Variants in MYH14 observed in about 807,000 individuals in gnomAD.
MYH14 encodes myosin heavy chain 14.
Under a neutral mutation model 255.5 loss-of-function variants are expected in MYH14, and 123 were observed. The ratio of observed to expected loss-of-function variants is 0.48; its 90% CI spans 0.42 to 0.56. The LOEUF is 0.56. MYH14 is among the 20% of genes least tolerant of loss of function. MYH14 has a pLI of 0.00. For missense variants in MYH14, 2,423 were observed against 2,802.3 expected (o/e 0.86, Z 3.06); for synonymous variants, 1,095 against 1,161.2 (o/e 0.94, Z 1.16).
chr19:50,231,921 T>TC lies in MYH14; in HGVS notation c.974-6dup. On this transcript the variant is annotated splice_polypyrimidine_tract_variant and intron_variant, in intron 9 of 42. Coordinates refer to ENST00000642316, the MANE Select transcript of MYH14 (RefSeq NM_001145809.2). ...CCTTTGACCTTGACCCCACTCATTGTCCCTGCAGCCGACCTCCTCCTCGAG... is the reference window on the plus strand; with the variant it reads ...CCTTTGACCTTGACCCCACTCATTGTCCCCTGCAGCCGACCTCCTCCTCGAG... The TC allele has an allele frequency of 6.2e-7, 1 of 1,613,762 alleles. No homozygotes were observed. The highest frequency in any genetic ancestry group is 1.1e-5 in the South Asian group (1 of 91,070).
In MYH14 at chr19:50,292,323, C is replaced by T. The variant is rs2036105237; in HGVS notation, c.5190C>T (p.Phe1730=). 1 of 1,596,916 alleles carries T rather than the reference C, an allele frequency of 6.3e-7. No homozygotes were observed. The change falls in exon 37 of 43, where the codon TTC becomes TTT. Residue 1730 remains phenylalanine, a synonymous_variant. Transcript: ENST00000642316. ...CACGCACCTCCCGGGAGGAGATCTT[C>T]TCCCAGAATCGGGAAAGTGAAAAGC... ...EETRTSREEI[F]SQNRESEKRL...
At position 50,249,104 on chromosome 19, in the gene MYH14, G is replaced by T; in HGVS notation, c.1447G>T (p.Gly483Cys). The T allele has an allele frequency of 6.3e-7, 1 of 1,599,182 alleles. No individual in the cohort carries two copies. The highest frequency in any genetic ancestry group is 8.5e-7 in the Non-Finnish European group (1 of 1,173,230). The stretch of plus-strand genomic sequence containing the variant: ...CCCCCGCCAAGGCGCCTCCTTCCTG[G>T]GCATCCTGGACATCGCGGGCTTTGA... ...RSPRQGASFLGILDIAGFEIF... is the reference protein window; with the variant it reads ...RSPRQGASFLCILDIAGFEIF... Residue 483 changes from glycine to cysteine, a missense_variant, in exon 13 of 43, where the codon GGC (glycine) becomes TGC (cysteine). Physicochemically the swap from Gly to Cys is radical, Grantham distance 159. Transcript: ENST00000642316.
chr19:50,301,504 T>C (rs1178455364), intron 39 of MYH14, among the ~76,000 whole-genome samples, 157 bp from the exon 40 acceptor site: 1 of 152,206 alleles, frequency 6.6e-6, no homozygotes, highest in African/African-American at 2.4e-5. Flanking sequence ...TTAATAAAAA[T>C]ACAAGCTAAC....
intron 1 of MYH14, among the ~76,000 whole-genome samples, chr19:50,207,762 A>G (rs1290853350): frequency 2.0e-5 from 3 of 152,368 alleles, no homozygotes; most frequent in African/African-American, 7.2e-5. Context: ...GACAAAAATC[A>G]GGTCAATTCC....
chr19:50,295,052 G>A (rs1166119503), intron 39 of MYH14, among the ~76,000 whole-genome samples: 5 of 150,234 alleles, frequency 3.3e-5, no homozygotes, highest in African/African-American at 4.9e-5. Context: ...GTGGCCGGGC[G>A]CGGTGGCTCA....
At chr19:50,264,012 G>A (rs540237823) in intron 22 of MYH14, among the ~76,000 whole-genome samples, 143 of 126,538 alleles carry the variant, frequency 1.1e-3, no homozygotes, top group Non-Finnish European at 1.5e-3. Flanking sequence ...AGCCAAGATA[G>A]TGTCACTACA....
At chr19:50,296,424 C>T (rs4802691) in intron 39 of MYH14, among the ~76,000 whole-genome samples, 101,286 of 150,910 alleles carry the variant, frequency 0.67, 36,108 homozygotes, top group East Asian at 0.99. Flanking sequence ...CCTGAGCAAC[C>T]CAGTAAGACC....
intron 40 of MYH14, among the ~76,000 whole-genome samples, chr19:50,305,279 A>G (rs1265436361): frequency 6.6e-6 from 1 of 152,138 alleles, no homozygotes; most frequent in Non-Finnish European, 1.5e-5. Context: ...GGGGCTGTGA[A>G]GATGAACAAG....
At chr19:50,281,865 G>A (rs2035737166) in intron 33 of MYH14, 23 bp downstream of exon 33, 2 of 1,602,848 alleles carry the variant, frequency 1.2e-6, no homozygotes, top group Non-Finnish European at 1.7e-6. Context: ...AGTTCACCCA[G>A]CCGGGGAATC....
At chr19:50,239,027 C>T (rs1477289592) in intron 10 of MYH14, among the ~76,000 whole-genome samples, 1 of 152,082 alleles carries the variant, frequency 6.6e-6, no homozygotes, top group East Asian at 1.9e-4. Flanking sequence ...AAAAAAAATT[C>T]TCTCTTGCGC....
intron 39 of MYH14, among the ~76,000 whole-genome samples, chr19:50,298,416 ATG>A (rs1568553545): frequency 1.0e-4 from 15 of 150,422 alleles, no homozygotes; most frequent in African/African-American, 2.2e-4. Context: ...ACACACACAC[ATG>A]CACACATGAA....
intron 8 of MYH14, among the ~76,000 whole-genome samples, chr19:50,228,791 G>T (rs189215038): frequency 6.9e-4 from 105 of 152,282 alleles, no homozygotes; most frequent in African/African-American, 1.8e-3. Context: ...ATGCAGTGTG[G>T]CTGCCCCTCC....
chr19:50,219,566 G>A (rs1323902999), intron 3 of MYH14, among the ~76,000 whole-genome samples: 1 of 152,156 alleles, frequency 6.6e-6, no homozygotes, highest in Non-Finnish European at 1.5e-5. Context: ...CCTTGAGACA[G>A]TAATTCCCAG....
Position 50,223,053 on chromosome 19 carries a change from T to C in MYH14, c.563-30T>C, listed in dbSNP as rs368168987. On this transcript the variant is annotated intron_variant, in intron 3 of 42. Coordinates refer to ENST00000642316, the MANE Select transcript of MYH14 (RefSeq NM_001145809.2). ...GGGCCCTGCTAGAGACTCTCTCAGA[T>C]GACATATTCCCCCACTCTGTCCCCT... 5.6e-6 allele frequency: 9 copies of C among 1,608,120 alleles called. No individual in the cohort carries two copies. The African/African-American group carries it at 6.7e-5, about 12-fold the overall frequency.
In MYH14 at chr19:50,276,378, G is replaced by T. The variant is rs2035509558; in HGVS notation, c.3680+175G>T. 6.6e-6 allele frequency among the ~76,000 whole-genome samples: 1 copy of T among 152,192 alleles called. No homozygotes were observed. Among genetic ancestry groups the T allele is most frequent in the African/African-American group, 2.4e-5 (1 of 41,440 alleles). On this transcript the variant is annotated intron_variant, in intron 28 of 42. Transcript: ENST00000642316. The surrounding 1 kb of genome is among the most constrained non-coding windows in gnomAD (Gnocchi z 4.3). ...GGGGACAGAGATGGGTCAGACCCAG[G>T]TGTTACCCTTGGGAACTTCCAGTCT...
chr19:50,277,774 G>A (rs788335), intron 29 of MYH14, among the ~76,000 whole-genome samples: 59,046 of 151,810 alleles, frequency 0.39, 11,913 homozygotes, highest in Non-Finnish European at 0.44. Flanking sequence ...AAAATTAGCC[G>A]GGCGTGGTGG....
In MYH14 at chr19:50,250,241, C is replaced by CA. The variant is rs1245583737; in HGVS notation, c.1657-273dup. ...TCAGCCTCCCGAGTAGCTGGGACTACAGGTGCCCGCCACCACGCCCGGCTA... is the reference window on the plus strand; with the variant it reads ...TCAGCCTCCCGAGTAGCTGGGACTACAAGGTGCCCGCCACCACGCCCGGCTA... On this transcript the variant is annotated intron_variant, in intron 14 of 42. Transcript: ENST00000642316. This position sits in a 1 kb window ranked among gnomAD's most constrained non-coding sequence, Gnocchi z 5.4. 2.3e-5 allele frequency among the ~76,000 whole-genome samples: 3 copies of CA among 132,452 alleles called. No individual in the cohort carries two copies. The highest frequency in any genetic ancestry group is 8.4e-5 in the Admixed American group (1 of 11,906). The allele number at this position is 132,452 out of a possible 152,430, so 86.9% of individuals were successfully genotyped here.
At chr19:50,216,311 C>CA (rs141097283) in intron 2 of MYH14, among the ~76,000 whole-genome samples, 2 of 151,784 alleles carry the variant, frequency 1.3e-5, no homozygotes, top group African/African-American at 2.4e-5. Context: ...CCTGTGTCTA[C>CA]AAAAAAATAC....
intron 1 of MYH14, among the ~76,000 whole-genome samples, chr19:50,208,954 G>A (rs561762110): frequency 7.9e-5 from 12 of 152,066 alleles, no homozygotes; most frequent in African/African-American, 2.9e-4. Context: ...AGGAGTTTGA[G>A]ACCAGTCTGG....
Sources: allele counts gnomAD v4.1 joint callset (sites outside exome capture counted in the v4.1 genomes callset), GRCh38; gene constraint gnomAD v4.1.1; non-coding constraint Gnocchi (gnomAD v3.1); transcripts MANE v1.5; gene names NCBI Gene and HGNC (gene_info 2026-07-23, HGNC 2026-07-21).